Variants in TMC2 observed in about 807,000 individuals in gnomAD.
TMC2 encodes transmembrane channel like 2, also known as transmembrane channel-like protein 2.
A neutral mutation model predicts 105.9 loss-of-function variants in TMC2; 102 were observed. That is an observed-to-expected ratio of 0.96 (90% CI 0.82 to 1.14). TMC2 has a LOEUF of 1.14. Ranked by LOEUF, TMC2 falls within the 50% of genes most tolerant of loss-of-function variation. TMC2 has a pLI of 0.00. For missense variants in TMC2, 1,093 were observed against 1,134.3 expected (o/e 0.96, Z 0.52); for synonymous variants, 402 against 422.8 (o/e 0.95, Z 0.60).
At chr20:2,610,382 T>C (rs1176311688) in intron 11 of TMC2, 37 bp from the exon 12 acceptor site, 1 of 1,572,708 alleles carries the variant, frequency 6.4e-7, no homozygotes. Context: ...ACAAGTATAA[T>C]GTTGATGACA....
At position 2,642,833 on chromosome 20, in the gene TMC2, A is replaced by G. The variant is rs2086697999; in HGVS notation, c.*1482A>G. 6.6e-6 allele frequency among the ~76,000 whole-genome samples: 1 copy of G among 152,070 alleles called. No homozygotes were observed. The highest frequency in any genetic ancestry group is 2.4e-5 in the African/African-American group (1 of 41,370). On this transcript the variant is annotated 3_prime_UTR_variant, in exon 20 of 20. Transcript: ENST00000358864. ...TCTCACCCATGTCTCTGAGTGTTCT[A>G]AAGAGAGTCAGCCACCTTAACCTCA...
chr20:2,547,294 A>G (rs760188403), intron 2 of TMC2, among the ~76,000 whole-genome samples: 4 of 152,240 alleles, frequency 2.6e-5, no homozygotes, highest in Non-Finnish European at 4.4e-5. Flanking sequence ...TTAAATGATA[A>G]CTGAATTATA....
intron 4 of TMC2, among the ~76,000 whole-genome samples, chr20:2,566,657 C>A (rs1421645809): frequency 6.6e-6 from 1 of 152,054 alleles, no homozygotes; most frequent in African/African-American, 2.4e-5. Flanking sequence ...ACAATGAAAA[C>A]CCTGAATGCC....
At chr20:2,564,915 C>G (rs1463390385) in intron 4 of TMC2, among the ~76,000 whole-genome samples, 2 of 152,204 alleles carry the variant, frequency 1.3e-5, no homozygotes, top group African/African-American at 4.8e-5. Context: ...AGATTTAAGT[C>G]TCTCCAGCCT....
intron 10 of TMC2, 125 bp from the exon 11 acceptor site, chr20:2,601,988 A>G (rs1174979650): frequency 1.6e-6 from 1 of 607,548 alleles, no homozygotes; most frequent in Non-Finnish European, 2.8e-6. Context: ...ACAGGGCATT[A>G]CATCATCTCC....
At chr20:2,599,431 C>CAAATGAATG (rs1219312934) in intron 10 of TMC2, among the ~76,000 whole-genome samples, 4 of 150,518 alleles carry the variant, frequency 2.7e-5, no homozygotes, top group African/African-American at 9.8e-5. Flanking sequence ...AGCTGGGAAG[C>CAAATGAATG]AAATGAATGA....
intron 2 of TMC2, among the ~76,000 whole-genome samples, chr20:2,551,360 G>A (rs547607404): frequency 7.0e-6 from 1 of 143,066 alleles, no homozygotes; most frequent in East Asian, 2.0e-4. Context: ...CACGTCCTTT[G>A]TCAGATACAT....
intron 17 of TMC2, among the ~76,000 whole-genome samples, chr20:2,625,764 G>T (rs1044362402): frequency 2.0e-5 from 3 of 152,232 alleles, no homozygotes; most frequent in Non-Finnish European, 4.4e-5. Context: ...TCTAGAAGCA[G>T]AATTGTGGGT....
intron 11 of TMC2, among the ~76,000 whole-genome samples, chr20:2,605,302 C>G (rs1171880231): frequency 6.6e-6 from 1 of 152,158 alleles, no homozygotes; most frequent in East Asian, 1.9e-4. Flanking sequence ...TAGGCTGCCA[C>G]AACAAAGTAC....
In TMC2 at chr20:2,602,279, T is replaced by A; in HGVS notation, c.1391T>A (p.Val464Asp). ...CAGCAATTCTCCAAAATGCAGAATG[T>A]CAGCTGGTATGAAAGGAATGAGGTA... ...RSQQFSKMQN[V>D]SWYERNEVEI... Residue 464 changes from valine (V) to aspartate (D), a missense_variant, in exon 11 of 20, where the codon GTC becomes GAC. Val to Asp is a radical substitution (Grantham distance 152). Coordinates refer to ENST00000358864, the MANE Select transcript of TMC2 (RefSeq NM_080751.3). 1 of 1,604,028 alleles carries A rather than the reference T, an allele frequency of 6.2e-7. No homozygotes were observed. The highest frequency in any genetic ancestry group is 2.3e-5 in the East Asian group (1 of 44,314).
chr20:2,539,086 G>C (rs902658822), intron 2 of TMC2, among the ~76,000 whole-genome samples: 1 of 152,148 alleles, frequency 6.6e-6, no homozygotes, highest in Non-Finnish European at 1.5e-5. Context: ...GCCTCTCCTC[G>C]GCCTGTGTTT....
chr20:2,585,329 A>G (rs1358911093), intron 7 of TMC2, among the ~76,000 whole-genome samples: 1 of 152,056 alleles, frequency 6.6e-6, no homozygotes, highest in Non-Finnish European at 1.5e-5. Context: ...TTTTTCTTTT[A>G]TATCTTTATT....
rs982429900 is a variant in TMC2, at chr20:2,546,865, G to A, written c.82+9549G>A. ...AACATTTCATGACAATGAAACTGAT[G>A]GAAAATTTGGATGCTTCCACAGCAT... On this transcript the variant is annotated intron_variant, in intron 2 of 19. Transcript: ENST00000358864. 6.6e-5 allele frequency among the ~76,000 whole-genome samples: 10 copies of A among 152,036 alleles called. No homozygotes were observed. The South Asian group carries it at 1.5e-3, about 22-fold the overall frequency.
At chr20:2,636,077 T>A in intron 18 of TMC2, 73 bp downstream of exon 18, 1 of 1,273,908 alleles carries the variant, frequency 7.8e-7, no homozygotes, top group Non-Finnish European at 1.1e-6. Context: ...ATTTGCTGTG[T>A]GAGCCCAGCT....
At chr20:2,593,150 T>C (rs80220192) in intron 8 of TMC2, among the ~76,000 whole-genome samples, 2 of 152,058 alleles carry the variant, frequency 1.3e-5, no homozygotes, top group African/African-American at 4.8e-5. Flanking sequence ...ACTTCTTACA[T>C]GGCAGCAGAA....
rs1160942250 is a variant in TMC2 at position 2,643,130 on chromosome 20, C to T, written c.*1779C>T. On this transcript the variant is annotated 3_prime_UTR_variant, in exon 20 of 20. Transcript: ENST00000358864. The stretch of plus-strand genomic sequence containing the variant: ...ATAAATTATTTCACACCAATCTCTC[C>T]TGGCAAGGCTAACGAAGATGTTGCA... Among the ~76,000 whole-genome samples, 2 of 152,284 alleles carry T rather than the reference C, an allele frequency of 1.3e-5. No individual in the cohort carries two copies. Among genetic ancestry groups the T allele is most frequent in the Admixed American group, 6.5e-5 (1 of 15,296 alleles).
intron 17 of TMC2, among the ~76,000 whole-genome samples, chr20:2,626,417 T>A (rs1167040271): frequency 2.0e-5 from 3 of 152,172 alleles, no homozygotes; most frequent in Non-Finnish European, 2.9e-5. Context: ...CCTCATAGTA[T>A]GGTGGCTGAG....
intron 7 of TMC2, among the ~76,000 whole-genome samples, chr20:2,591,800 C>A (rs1568516499): frequency 1.3e-5 from 2 of 152,154 alleles, no homozygotes; most frequent in Admixed American, 6.6e-5. Context: ...TACTTTTTCA[C>A]ATTTTTTACA....
rs1391710053 is a variant in TMC2, at chr20:2,613,221, A to G, written c.1771A>G (p.Met591Val). Residue 591 changes from methionine to valine, a missense_variant, in exon 14 of 20, where the codon ATG (methionine) becomes GTG (valine). By Grantham distance (21) the Met-to-Val change is conservative. Transcript: ENST00000358864. ...ATTCATGAGGCTGACGGTGTCTGAC[A>G]TGCTGGTAACGTACATCACCATCCT... Reference protein sequence around the residue: ...IEFMRLTVSDMLVTYITILLG... With the variant: ...IEFMRLTVSDVLVTYITILLG... 1 of 1,613,846 alleles carries G rather than the reference A, an allele frequency of 6.2e-7. No homozygotes were observed. Among genetic ancestry groups the G allele is most frequent in the Non-Finnish European group, 8.5e-7 (1 of 1,179,870 alleles).
Sources: allele counts gnomAD v4.1 joint callset (sites outside exome capture counted in the v4.1 genomes callset), GRCh38; gene constraint gnomAD v4.1.1; transcripts MANE v1.5; gene names NCBI Gene and HGNC (gene_info 2026-07-23, HGNC 2026-07-21).